The following SPMIP6 variants were observed in gnomAD, a reference collection of about 807,000 sequenced individuals.
SPMIP6 encodes ciliated bronchial epithelial protein 1.
At chr9:34,382,822 A>G in the SPMIP6 span, 210 of 1,614,160 alleles carry the variant, frequency 1.3e-4, 1 homozygote, top group African/African-American at 1.7e-3. Context: ...TCCATCCTCC[A>G]TGTGTTGTAC....
At chr9:34,379,659 A>G in the SPMIP6 span, 2 of 1,614,056 alleles carry the variant, frequency 1.2e-6, no homozygotes, top group Non-Finnish European at 1.7e-6. The surrounding 1 kb of genome is among the most constrained non-coding windows in gnomAD (Gnocchi z 4.2). Context: ...AGGTTCGGAT[A>G]TGGGTAGTAT....
the SPMIP6 span, chr9:34,382,799 G>A: frequency 5.0e-6 from 8 of 1,614,172 alleles, no homozygotes; most frequent in Non-Finnish European, 6.8e-6. Context: ...TGCAGCAGCT[G>A]CTGTTGTAAG....
At chr9:34,385,563 A>AGTT in the SPMIP6 span, 2 of 688,854 alleles carry the variant, frequency 2.9e-6, no homozygotes, top group Non-Finnish European at 4.8e-6. Context: ...AAAAAAAAGG[A>AGTT]TAGAGGTCAC....
At chr9:34,382,773 T>C in the SPMIP6 span, 2 of 1,613,794 alleles carry the variant, frequency 1.2e-6, no homozygotes, top group Non-Finnish European at 1.7e-6. Flanking sequence ...CCGAGGAAGG[T>C]AGGTGGTATA....
chr9:34,391,989 C>G, the SPMIP6 span, among the ~76,000 whole-genome samples: 1 of 152,066 alleles, frequency 6.6e-6, no homozygotes, highest in Non-Finnish European at 1.5e-5. Context: ...ATTTCTCCAT[C>G]TGGTAATTCT....
chr9:34,386,479 A>G, the SPMIP6 span, among the ~76,000 whole-genome samples: 1 of 151,774 alleles, frequency 6.6e-6, no homozygotes, highest in Non-Finnish European at 1.5e-5. Context: ...CTATAGTCCC[A>G]GCTACTCGGG....
chr9:34,389,700 G>A, the SPMIP6 span, among the ~76,000 whole-genome samples: 87 of 152,132 alleles, frequency 5.7e-4, no homozygotes, highest in African/African-American at 2.0e-3. Flanking sequence ...ATTCCCATTC[G>A]TGAGCATGTT....
the SPMIP6 span, chr9:34,397,701 C>T: frequency 2.0e-6 from 3 of 1,504,278 alleles, no homozygotes; most frequent in Non-Finnish European, 8.9e-7. Flanking sequence ...TCAGTGACCA[C>T]CCTTCCCCTA....
chr9:34,396,446 C>G, the SPMIP6 span, among the ~76,000 whole-genome samples: 1 of 152,158 alleles, frequency 6.6e-6, no homozygotes, highest in Admixed American at 6.5e-5. Flanking sequence ...TCAACCCCAG[C>G]CCCTGCAATT....
chr9:34,383,235 C>G, the SPMIP6 span, among the ~76,000 whole-genome samples: 1 of 152,172 alleles, frequency 6.6e-6, no homozygotes, highest in Non-Finnish European at 1.5e-5. Flanking sequence ...CAAAATCACT[C>G]GAATCTGGCC....
chr9:34,393,602 A>G, the SPMIP6 span, among the ~76,000 whole-genome samples: 2 of 151,426 alleles, frequency 1.3e-5, no homozygotes, highest in African/African-American at 4.9e-5. Context: ...TTTTTTCTCT[A>G]TTTGTGGATT....
the SPMIP6 span, chr9:34,381,281 C>T: frequency 1.3e-5 from 21 of 1,599,768 alleles, no homozygotes; most frequent in Non-Finnish European, 1.7e-5. The surrounding 1 kb of genome is among the most constrained non-coding windows in gnomAD (Gnocchi z 4.4). Flanking sequence ...GCCTCCTCCC[C>T]GTCCTTCAGG....
the SPMIP6 span, among the ~76,000 whole-genome samples, chr9:34,395,503 A>G: frequency 1.3e-5 from 2 of 151,846 alleles, no homozygotes; most frequent in Non-Finnish European, 2.9e-5. Flanking sequence ...CCTACCCTTA[A>G]ATATTTATAT....
At chr9:34,380,937 G>C in the SPMIP6 span, 10 of 1,598,862 alleles carry the variant, frequency 6.3e-6, no homozygotes, top group Middle Eastern at 3.3e-4. Context: ...CGCAGGCGGC[G>C]GTCGGTGCAG....
chr9:34,388,183 C>T, the SPMIP6 span, among the ~76,000 whole-genome samples: 1 of 150,828 alleles, frequency 6.6e-6, no homozygotes, highest in Admixed American at 6.6e-5. Flanking sequence ...TCTTCTCACC[C>T]AGGCTGGAGT....
the SPMIP6 span, among the ~76,000 whole-genome samples, chr9:34,388,635 G>A: frequency 6.6e-6 from 1 of 152,134 alleles, no homozygotes; most frequent in African/African-American, 2.4e-5. Context: ...GATCTGCTAA[G>A]TCAGTTACTA....
the SPMIP6 span, chr9:34,380,994 G>C: frequency 1.2e-6 from 2 of 1,609,774 alleles, no homozygotes; most frequent in Non-Finnish European, 8.5e-7. Context: ...CAGTAGTGGC[G>C]GCCCGAGCAA....
chr9:34,387,724 A>G, the SPMIP6 span, among the ~76,000 whole-genome samples: 9 of 152,184 alleles, frequency 5.9e-5, no homozygotes, highest in Non-Finnish European at 1.2e-4. Flanking sequence ...GCTCCTGTTG[A>G]TAAGTAGGAG....
the SPMIP6 span, chr9:34,389,858 C>T: frequency 6.6e-6 from 1 of 151,490 alleles, no homozygotes; most frequent in Admixed American, 6.6e-5. Flanking sequence ...ATTATGCTTC[C>T]TAAATATTTG....
Sources: allele counts gnomAD v4.1 joint callset (sites outside exome capture counted in the v4.1 genomes callset), GRCh38; gene constraint gnomAD v4.1.1; non-coding constraint Gnocchi (gnomAD v3.1); transcripts MANE v1.5; gene names NCBI Gene and HGNC (gene_info 2026-07-23, HGNC 2026-07-21).